EHMT1: variants seen among roughly 807,000 people sequenced by gnomAD.
EHMT1 encodes euchromatic histone lysine methyltransferase 1.
A neutral mutation model predicts 147.2 loss-of-function variants in EHMT1; 15 were observed. That is an observed-to-expected ratio of 0.10 (90% CI 0.07 to 0.16). The LOEUF is 0.16. Ranked by LOEUF, EHMT1 falls within the 10% of genes least tolerant of loss-of-function variation. The pLI, the probability that EHMT1 is intolerant of heterozygous loss-of-function variation, is 1.00. For missense variants in EHMT1, 1,587 were observed against 1,772.4 expected, an observed-to-expected ratio of 0.90 and a Z score of 1.88; for synonymous variants, 795 against 709.6, an observed-to-expected ratio of 1.12 and a Z score of -1.91.
At chr9:137,809,298 G>C (rs1954212719) in intron 18 of EHMT1, among the ~76,000 whole-genome samples, 1 of 152,220 alleles carries the variant, frequency 6.6e-6, no homozygotes, top group Non-Finnish European at 1.5e-5. Context: ...GCACGGTGTG[G>C]AGTTGGGAGG....
At chr9:137,685,380 G>A (rs1297907939) in intron 1 of EHMT1, 1 of 152,160 alleles carries the variant, frequency 6.6e-6, no homozygotes, top group Non-Finnish European at 1.5e-5. Context: ...TCTGGCTTAT[G>A]TCATGTAGCA....
rs1380178654 is a variant in EHMT1 at position 137,731,985 on chromosome 9, C to T, written c.823+3456C>T. ...GGTGGTGCCCCAAAACTCGGAGTCA[C>T]CAGCAACTGCAGAGCCCCAAGGGGA... On this transcript the variant is annotated intron_variant, in intron 4 of 26. Transcript: ENST00000460843. This position sits in a 1 kb window ranked among gnomAD's most constrained non-coding sequence, Gnocchi z 4.3. Among the ~76,000 whole-genome samples the T allele has an allele frequency of 6.6e-6, 1 of 152,232 alleles. No individual in the cohort carries two copies. Among genetic ancestry groups the T allele is most frequent in the Middle Eastern group, 3.2e-3 (1 of 316 alleles).
At chr9:137,719,475 G>A (rs1945716393) in intron 3 of EHMT1, among the ~76,000 whole-genome samples, 1 of 152,202 alleles carries the variant, frequency 6.6e-6, no homozygotes, top group South Asian at 2.1e-4. Context: ...ACCTCGTGGT[G>A]CGGACAACTG....
rs1950892705 is a variant in EHMT1, at chr9:137,775,546, G to T, written c.1791+294G>T. Among the ~76,000 whole-genome samples the T allele has an allele frequency of 1.3e-5, 2 of 151,922 alleles. No homozygotes were observed. Among genetic ancestry groups the T allele is most frequent in the South Asian group, 4.1e-4 (2 of 4,822 alleles). On this transcript the variant is annotated intron_variant, in intron 11 of 26. Transcript: ENST00000460843. The surrounding 1 kb of genome is among the most constrained non-coding windows in gnomAD (Gnocchi z 6.1). ...TCCAGGCCAGAGGAGGGAAGTGAGG[G>T]TTGGGGGTGAAGGTGTCTAAGGCAC...
At chr9:137,706,518 G>A (rs1368152910) in intron 1 of EHMT1, among the ~76,000 whole-genome samples, 1 of 152,180 alleles carries the variant, frequency 6.6e-6, no homozygotes, top group Non-Finnish European at 1.5e-5. Flanking sequence ...ACGGAGTCTC[G>A]CTCTGTTGCC....
At chr9:137,636,475 GT>G (rs576265521) in intron 1 of EHMT1, among the ~76,000 whole-genome samples, 12 of 152,104 alleles carry the variant, frequency 7.9e-5, no homozygotes, top group Non-Finnish European at 1.5e-4. Flanking sequence ...CTTCATTCCT[GT>G]TTTTAGAGGA....
intron 13 of EHMT1, among the ~76,000 whole-genome samples, chr9:137,778,895 G>C (rs534749553): frequency 6.6e-6 from 1 of 152,248 alleles, no homozygotes; most frequent in Non-Finnish European, 1.5e-5. Context: ...TACAGTCATG[G>C]TGGAAGGCAA....
intron 1 of EHMT1, among the ~76,000 whole-genome samples, chr9:137,682,581 C>T (rs191351682): frequency 1.1e-4 from 16 of 152,288 alleles, no homozygotes; most frequent in African/African-American, 3.6e-4. Context: ...AGGTGTGACC[C>T]TGGGCCTCTT....
At chr9:137,830,600 C>T (rs1035844773) in intron 25 of EHMT1, among the ~76,000 whole-genome samples, 6 of 152,116 alleles carry the variant, frequency 3.9e-5, no homozygotes, top group African/African-American at 1.4e-4. Flanking sequence ...ACAGTAAGCA[C>T]CAGTCCAGCT....
chr9:137,801,650 G>T (rs112780689), intron 18 of EHMT1, among the ~76,000 whole-genome samples: 55 of 151,962 alleles, frequency 3.6e-4, no homozygotes, highest in Non-Finnish European at 6.6e-4. Context: ...AGGCGCCCAC[G>T]ACCACACCTG....
intron 4 of EHMT1, among the ~76,000 whole-genome samples, chr9:137,737,979 A>AG (rs1405971857): frequency 6.6e-6 from 1 of 152,214 alleles, no homozygotes; most frequent in African/African-American, 2.4e-5. Context: ...AGATCACCTG[A>AG]GGTCAGGAGT....
At position 137,689,866 on chromosome 9, in the gene EHMT1, C is replaced by T. The variant is rs149731256; in HGVS notation, c.22-21101C>T. ...TGGGAATGACTGCAGTTGTGGGGGC[C>T]AGCTCCTGGGCAGGTGCCCACCATG... On this transcript the variant is annotated intron_variant, in intron 1 of 26. Transcript: ENST00000460843. Among the ~76,000 whole-genome samples the T allele has an allele frequency of 5.5e-3, 831 of 152,266 alleles. 7 individuals are homozygous for T. The highest frequency in any genetic ancestry group is 0.018 in the African/African-American group (737 of 41,536).
intron 1 of EHMT1, among the ~76,000 whole-genome samples, chr9:137,704,560 C>T (rs1044208731): frequency 6.6e-6 from 1 of 152,044 alleles, no homozygotes; most frequent in Non-Finnish European, 1.5e-5. Flanking sequence ...CTTGGGTCAT[C>T]CCTTGGCCAT....
rs192833067 is a variant in EHMT1 at position 137,757,192 on chromosome 9, G to A, written c.1370-688G>A. Among the ~76,000 whole-genome samples, 91 of 152,314 alleles carry A rather than the reference G, an allele frequency of 6.0e-4. No individual in the cohort carries two copies. In the East Asian group the frequency reaches 0.014, roughly 24 times the overall value. On this transcript the variant is annotated intron_variant, in intron 8 of 26. Coordinates refer to ENST00000460843, the MANE Select transcript of EHMT1 (RefSeq NM_024757.5). Reference sequence around the variant, plus strand: ...GGACAGGCTGGCCTGGCCACCACTCGTGTGTCCTTGAGGGCAGGGAAGCCC... The same window carrying A: ...GGACAGGCTGGCCTGGCCACCACTCATGTGTCCTTGAGGGCAGGGAAGCCC...
intron 6 of EHMT1, among the ~76,000 whole-genome samples, chr9:137,744,558 G>A (rs1389945312): frequency 6.6e-6 from 1 of 152,196 alleles, no homozygotes; most frequent in African/African-American, 2.4e-5. Flanking sequence ...TTGCTCAAGT[G>A]ATCCTCCCGC....
chr9:137,625,700 G>A (rs1282685462), intron 1 of EHMT1, among the ~76,000 whole-genome samples: 1 of 151,786 alleles, frequency 6.6e-6, no homozygotes, highest in Non-Finnish European at 1.5e-5. Flanking sequence ...GTTGAATGTT[G>A]GACTTCCTGT....
intron 1 of EHMT1, among the ~76,000 whole-genome samples, chr9:137,640,354 C>T (rs1353606926): frequency 6.6e-6 from 1 of 152,212 alleles, no homozygotes; most frequent in Non-Finnish European, 1.5e-5. Context: ...TCATAGCTCA[C>T]TGCAGCCTTG....
At chr9:137,679,569 G>A (rs1419608615) in intron 1 of EHMT1, among the ~76,000 whole-genome samples, 2 of 152,130 alleles carry the variant, frequency 1.3e-5, no homozygotes, top group Admixed American at 1.3e-4. Context: ...GAGCACTGAT[G>A]GGGTTGAGCA....
chr9:137,800,762 A>G, intron 17 of EHMT1, 118 bp from the exon 18 acceptor site: 1 of 813,454 alleles, frequency 1.2e-6, no homozygotes, highest in Non-Finnish European at 2.1e-6. Context: ...CCTGAGTGAG[A>G]CGCCTGCACG....
Sources: allele counts gnomAD v4.1 joint callset (sites outside exome capture counted in the v4.1 genomes callset), GRCh38; gene constraint gnomAD v4.1.1; non-coding constraint Gnocchi (gnomAD v3.1); transcripts MANE v1.5; gene names NCBI Gene and HGNC (gene_info 2026-07-23, HGNC 2026-07-21).